The following HIF3A variants were observed in gnomAD, a reference collection of about 807,000 sequenced individuals.
The protein encoded by HIF3A is hypoxia inducible factor 3 subunit alpha.
In HIF3A, 41 loss-of-function variants were observed where a neutral mutation model predicts 67.2. The observed-to-expected ratio is 0.61, with a 90% CI of 0.48 to 0.79. The LOEUF (loss-of-function observed/expected upper bound fraction) is 0.79, where lower values mean the gene tolerates loss of function less well. HIF3A is among the 30% of genes least tolerant of loss of function. The probability of loss-of-function intolerance (pLI) is 0.00; values close to 1 mark genes in which losing one functional copy is unlikely to be tolerated. For synonymous variants in HIF3A, 356 were observed against 374.8 expected (o/e 0.95, Z 0.58); for missense variants, 855 against 898.0 (o/e 0.95, Z 0.61).
rs1043250309 is a variant in HIF3A at position 46,297,234 on chromosome 19, C to A, written c.26+132C>A. The A allele has an allele frequency of 9.9e-6, 5 of 505,084 alleles. No individual in the cohort carries two copies. Among genetic ancestry groups the A allele is most frequent in the African/African-American group, 9.7e-5 (5 of 51,306 alleles). The allele number at this position is 505,084 out of a possible 1,614,324, so 31.3% of individuals were successfully genotyped here. ...ACGCCCCGGGGCGCGCAGTTGGAGG[C>A]ACATCCCCACCGCACTCTCCACCCT... On this transcript the variant is annotated intron_variant, in intron 1 of 14. Coordinates refer to ENST00000377670, the MANE Select transcript of HIF3A (RefSeq NM_152795.4). The surrounding 1 kb of genome is among the most constrained non-coding windows in gnomAD (Gnocchi z 4.5).
chr19:46,321,620 G>T (rs892547964), intron 9 of HIF3A, among the ~76,000 whole-genome samples, 156 bp from the exon 10 acceptor site: 2 of 152,044 alleles, frequency 1.3e-5, no homozygotes, highest in Non-Finnish European at 2.9e-5. Context: ...GCCCAGCAGG[G>T]GTCCTCCAGG....
chr19:46,339,549 C>T lies in HIF3A; in HGVS notation c.1937C>T (p.Pro646Leu), dbSNP rs775640125. ...PLGLGPSLLS[P>L]YSDEDTTQPG... ...GGCCTGGGCCCCTCACTGCTCTCTCCGTACTCAGACGAGGACACTACCCAG... is the reference window on the plus strand; with the variant it reads ...GGCCTGGGCCCCTCACTGCTCTCTCTGTACTCAGACGAGGACACTACCCAG... The change falls in exon 15 of 15, where the codon CCG becomes CTG. Residue 646 changes from proline (P) to leucine (L), a missense_variant. Pro to Leu is a moderately conservative substitution (Grantham distance 98, BLOSUM62 -3). Transcript: ENST00000377670. The T allele has an allele frequency of 1.4e-5, 23 of 1,607,124 alleles. No homozygotes were observed. In the East Asian group the frequency reaches 2.7e-4, roughly 19 times the overall value.
chr19:46,304,332 C>T (rs2072491), intron 2 of HIF3A: 79,601 of 571,104 alleles, frequency 0.14, 6,619 homozygotes, highest in East Asian at 0.29. Context: ...TGAGGCCCCG[C>T]CCCTGGAACG....
intron 1 of HIF3A, chr19:46,298,430 G>A (rs1423491686): frequency 1.5e-5 from 19 of 1,287,140 alleles, no homozygotes; most frequent in Middle Eastern, 2.1e-4. Flanking sequence ...GCACCCACTC[G>A]TAACTCGCAC....
intron 8 of HIF3A, among the ~76,000 whole-genome samples, chr19:46,317,474 G>GCCTCCCTCCCCTTCTCACTTAC (rs1970010328): frequency 6.6e-6 from 1 of 152,092 alleles, no homozygotes; most frequent in African/African-American, 2.4e-5. Context: ...TGAAGCTCCT[G>GCCTCCCTCCCCTTCTCACTTAC]CCTCCCTCCC....
intron 1 of HIF3A, among the ~76,000 whole-genome samples, chr19:46,299,147 G>A (rs979213300): frequency 6.6e-6 from 1 of 152,268 alleles, no homozygotes; most frequent in South Asian, 2.1e-4. Flanking sequence ...GGGTGGCAGG[G>A]TTCCAGCTGC....
chr19:46,336,064 A>C (rs1287938745), intron 14 of HIF3A, among the ~76,000 whole-genome samples: 1 of 58,952 alleles, frequency 1.7e-5, no homozygotes, highest in Non-Finnish European at 3.6e-5. Context: ...TCACATTTTT[A>C]TTTTCTTTCT....
At chr19:46,301,911 A>G (rs1306315919) in intron 1 of HIF3A, among the ~76,000 whole-genome samples, 3 of 152,008 alleles carry the variant, frequency 2.0e-5, no homozygotes, top group African/African-American at 7.2e-5. Flanking sequence ...GATTGGATGA[A>G]TACATGTAGA....
At chr19:46,336,986 C>CA (rs1971672978) in intron 14 of HIF3A, among the ~76,000 whole-genome samples, 2 of 151,646 alleles carry the variant, frequency 1.3e-5, no homozygotes, top group African/African-American at 2.4e-5. Context: ...GACTCTGTCT[C>CA]AAAAAATATA....
At chr19:46,319,744 C>A (rs929191320) in intron 8 of HIF3A, among the ~76,000 whole-genome samples, 1 of 152,078 alleles carries the variant, frequency 6.6e-6, no homozygotes, top group African/African-American at 2.4e-5. Context: ...TCGCTCACCC[C>A]GCTCTTTGCC....
Position 46,297,141 on chromosome 19 carries a change from G to T in HIF3A, c.26+39G>T, listed in dbSNP as rs1362593033. On this transcript the variant is annotated intron_variant, in intron 1 of 14. Coordinates refer to ENST00000377670, the MANE Select transcript of HIF3A (RefSeq NM_152795.4). This position sits in a 1 kb window ranked among gnomAD's most constrained non-coding sequence, Gnocchi z 4.5. ...GGGGCAGGAGTTCTGGGAATTGGGG[G>T]GCTCTCCTCCTGGAGACCCCTGAGC... 2 of 1,113,182 alleles carry T rather than the reference G, an allele frequency of 1.8e-6. No homozygotes were observed. 69.0% of individuals were successfully genotyped at this position (1,113,182 alleles called of 1,614,324 possible).
At chr19:46,298,358 C>T (rs1343149325) in intron 1 of HIF3A, 35 of 1,277,790 alleles carry the variant, frequency 2.7e-5, no homozygotes, top group South Asian at 3.7e-5. Flanking sequence ...TGGCTGAGCT[C>T]GGGTGCCCCC....
At position 46,307,546 on chromosome 19, in the gene HIF3A, G is replaced by A. The variant is rs190581786; in HGVS notation, c.364-675G>A. On this transcript the variant is annotated intron_variant, in intron 3 of 14. Transcript: ENST00000377670. ...GCAGATCACTTGAGGTCAGGAGTTCGAGACCAACCTGGCCAACATGGTGAA... is the reference window on the plus strand; with the variant it reads ...GCAGATCACTTGAGGTCAGGAGTTCAAGACCAACCTGGCCAACATGGTGAA... Among the ~76,000 whole-genome samples, 536 of 152,232 alleles carry A rather than the reference G, an allele frequency of 3.5e-3. 7 individuals are homozygous for A. The highest frequency in any genetic ancestry group is 0.012 in the African/African-American group (500 of 41,542).
intron 1 of HIF3A, among the ~76,000 whole-genome samples, chr19:46,300,405 A>G (rs574283544): frequency 1.3e-4 from 20 of 152,330 alleles, no homozygotes; most frequent in African/African-American, 4.6e-4. Context: ...TCATGCCTGT[A>G]ATCCCAACAT....
chr19:46,316,943 T>C (rs1192706452), intron 8 of HIF3A, among the ~76,000 whole-genome samples: 1 of 152,032 alleles, frequency 6.6e-6, no homozygotes, highest in Non-Finnish European at 1.5e-5. Context: ...CATATACATA[T>C]GTATATAAAT....
At chr19:46,326,224 C>T (rs1016931335) in intron 11 of HIF3A, among the ~76,000 whole-genome samples, 2 of 152,192 alleles carry the variant, frequency 1.3e-5, no homozygotes, top group Admixed American at 1.3e-4. Context: ...TTCCTCATCA[C>T]GTGAACCTCT....
rs202018583 is a variant in HIF3A, at chr19:46,339,626, G to T, written c.*4G>T. 2 of 1,588,582 alleles carry T rather than the reference G, an allele frequency of 1.3e-6. No homozygotes were observed. The highest frequency in any genetic ancestry group is 4.5e-5 in the East Asian group (2 of 44,080). ...AGGCTCAGCCCAGGCTGACTGAGCCGGCTCCTCTCCCCATCTGCCTTCTCC... is the reference window on the plus strand; with the variant it reads ...AGGCTCAGCCCAGGCTGACTGAGCCTGCTCCTCTCCCCATCTGCCTTCTCC... On this transcript the variant is annotated 3_prime_UTR_variant, in exon 15 of 15. Coordinates refer to ENST00000377670, the MANE Select transcript of HIF3A (RefSeq NM_152795.4).
chr19:46,324,833 G>A (rs1970633567), intron 10 of HIF3A, among the ~76,000 whole-genome samples: 1 of 150,440 alleles, frequency 6.6e-6, no homozygotes, highest in Non-Finnish European at 1.5e-5. Flanking sequence ...CAACCTGGGT[G>A]ACAGAGTAAG....
At chr19:46,304,185 T>G (rs1010299132) in intron 2 of HIF3A, 97 bp downstream of exon 2, 2 of 1,116,932 alleles carry the variant, frequency 1.8e-6, no homozygotes, top group Non-Finnish European at 2.5e-6. Flanking sequence ...AGCCTTATTC[T>G]GACAAAGCCC....
Sources: allele counts gnomAD v4.1 joint callset (sites outside exome capture counted in the v4.1 genomes callset), GRCh38; gene constraint gnomAD v4.1.1; non-coding constraint Gnocchi (gnomAD v3.1); transcripts MANE v1.5; gene names NCBI Gene and HGNC (gene_info 2026-07-23, HGNC 2026-07-21).